Variants in CPVL observed in about 807,000 individuals in gnomAD.
The protein encoded by CPVL is probable serine carboxypeptidase CPVL.
A neutral mutation model predicts 63.7 loss-of-function variants in CPVL; 51 were observed. The observed-to-expected ratio is 0.80, with a 90% CI of 0.64 to 1.01. The LOEUF is 1.01. Ranked by LOEUF, CPVL falls within the 50% of genes least tolerant of loss-of-function variation. The probability of loss-of-function intolerance (pLI) is 0.00; values close to 1 mark genes in which losing one functional copy is unlikely to be tolerated. For missense variants in CPVL, 530 were observed against 573.1 expected (o/e 0.92, Z 0.77); for synonymous variants, 195 against 206.0 (o/e 0.95, Z 0.46).
Position 29,030,686 on chromosome 7 carries a change from T to C in CPVL, c.1211A>G (p.Asp404Gly). ...ALTERSLMGM[D>G]WKGSQEYKKA... ...CTTGTATTCCTGGGATCCTTTCCAG[T>C]CCATGCCCATCAAGGAGCGCTCTGT... The change falls in exon 12 of 13, where the codon GAC (aspartate) becomes GGC (glycine). Residue 404 changes from aspartate to glycine, a missense_variant. Asp to Gly is a moderately conservative substitution (Grantham distance 94). Transcript: ENST00000265394. 6.2e-7 allele frequency: 1 copy of C among 1,613,944 alleles called. No individual in the cohort carries two copies. Among genetic ancestry groups the C allele is most frequent in the East Asian group, 2.2e-5 (1 of 44,872 alleles).
intron 5 of CPVL, among the ~76,000 whole-genome samples, chr7:29,180,962 C>T (rs1797999499): frequency 6.6e-6 from 1 of 152,180 alleles, no homozygotes; most frequent in African/African-American, 2.4e-5. Context: ...CCAGTACTTA[C>T]TATTATTTTG....
rs781716548 is a variant in CPVL, at chr7:29,166,473, G to A, written c.-11+14817C>T. On this transcript the variant is annotated intron_variant, in intron 5 of 16. Coordinates refer to the CPVL transcript ENST00000409850. ...TTTCTGGGTTTTTGTTTGTTTGTTCGTTTGTTTGTTTTATGGGGAGGTTTC... is the reference window on the plus strand; with the variant it reads ...TTTCTGGGTTTTTGTTTGTTTGTTCATTTGTTTGTTTTATGGGGAGGTTTC... Among the ~76,000 whole-genome samples the A allele has an allele frequency of 1.8e-4, 26 of 143,536 alleles. 1 individual carries two copies. Among genetic ancestry groups the A allele is most frequent in the South Asian group, 1.5e-3 (7 of 4,802 alleles). The allele number at this position is 143,536 out of a possible 152,430, so 94.2% of individuals were successfully genotyped here.
intron 11 of CPVL, among the ~76,000 whole-genome samples, chr7:29,035,029 A>G (rs1788390771): frequency 6.6e-6 from 1 of 152,150 alleles, no homozygotes; most frequent in African/African-American, 2.4e-5. Flanking sequence ...CAGTCTTTAA[A>G]AACTCATTCC....
intron 12 of CPVL, chr7:29,009,156 T>C (rs955652111): frequency 1.4e-5 from 2 of 142,842 alleles, no homozygotes; most frequent in African/African-American, 5.3e-5. Flanking sequence ...GCTGTGTGTG[T>C]GTATGCCAGA....
At chr7:29,057,154 GTCTC>G (rs1790825038) in intron 11 of CPVL, among the ~76,000 whole-genome samples, 2 of 151,742 alleles carry the variant, frequency 1.3e-5, no homozygotes, top group Admixed American at 1.3e-4. Context: ...TAGAGACAGG[GTCTC>G]TCTATGTTGT....
chr7:29,087,504 A>G (rs1480659305), intron 6 of CPVL, among the ~76,000 whole-genome samples: 1 of 152,080 alleles, frequency 6.6e-6, no homozygotes, highest in Non-Finnish European at 1.5e-5. Context: ...GAGTGATTTC[A>G]TAATAAGCAA....
At chr7:29,019,955 T>C (rs1226002334) in intron 12 of CPVL, among the ~76,000 whole-genome samples, 3 of 152,228 alleles carry the variant, frequency 2.0e-5, no homozygotes, top group South Asian at 2.1e-4. Context: ...ACTTGTTTTT[T>C]TGGCAGCCAG....
At chr7:29,079,748 G>A (rs1784522748) in intron 7 of CPVL, among the ~76,000 whole-genome samples, 1 of 152,108 alleles carries the variant, frequency 6.6e-6, no homozygotes, top group Admixed American at 6.5e-5. Context: ...TTCTAGAATC[G>A]CTCTCCCACC....
chr7:29,069,111 C>T (rs1783444551), intron 9 of CPVL, among the ~76,000 whole-genome samples: 1 of 151,938 alleles, frequency 6.6e-6, no homozygotes, highest in Non-Finnish European at 1.5e-5. Flanking sequence ...ATAAAGTCAA[C>T]CTTGAAGAAT....
intron 2 of CPVL, among the ~76,000 whole-genome samples, chr7:29,116,015 A>C (rs1415579797): frequency 3.3e-5 from 5 of 152,184 alleles, no homozygotes; most frequent in Non-Finnish European, 7.3e-5. Flanking sequence ...AAAGTGGGGA[A>C]TTTGTGTTAT....
chr7:29,078,383 C>G (rs145095256), intron 7 of CPVL, among the ~76,000 whole-genome samples: 242 of 152,356 alleles, frequency 1.6e-3, no homozygotes, highest in African/African-American at 5.5e-3. Context: ...TTCCCACCTA[C>G]TCTGAGTTCA....
chr7:29,011,498 C>T (rs928619159), intron 12 of CPVL: 1 of 152,172 alleles, frequency 6.6e-6, no homozygotes, highest in East Asian at 1.9e-4. Flanking sequence ...TTTGTTGAGC[C>T]TGGGAGTTCA....
At chr7:29,054,122 C>A (rs1194103793) in intron 11 of CPVL, among the ~76,000 whole-genome samples, 1 of 151,950 alleles carries the variant, frequency 6.6e-6, no homozygotes, top group Non-Finnish European at 1.5e-5. Context: ...ATAGTATACC[C>A]TTTACATAGC....
At chr7:29,120,138 T>C (rs184122458) in intron 2 of CPVL, among the ~76,000 whole-genome samples, 8 of 152,304 alleles carry the variant, frequency 5.3e-5, no homozygotes, top group South Asian at 4.1e-4. Flanking sequence ...ATATTTGACA[T>C]AGGCTGGGTG....
At chr7:29,104,266 GTT>G (rs1219707484) in intron 3 of CPVL, among the ~76,000 whole-genome samples, 2 of 151,958 alleles carry the variant, frequency 1.3e-5, no homozygotes, top group Non-Finnish European at 2.9e-5. Flanking sequence ...AATCTTTTTT[GTT>G]TTTTGTTTTT....
chr7:29,062,356 G>C (rs1412643221), intron 11 of CPVL, among the ~76,000 whole-genome samples: 1 of 152,164 alleles, frequency 6.6e-6, no homozygotes, highest in Non-Finnish European at 1.5e-5. Context: ...CCTCTGAGAA[G>C]TCTTGAAGCA....
Position 29,173,306 on chromosome 7 carries a change from G to C in CPVL, c.-11+7984C>G, listed in dbSNP as rs572689662. On this transcript the variant is annotated intron_variant, in intron 5 of 16. Coordinates refer to the CPVL transcript ENST00000409850. The stretch of plus-strand genomic sequence containing the variant: ...CCCTGAATGCATCTGCCAGGTGCTG[G>C]TAGCCTCGAGTGGGGGCCTAACTTT... 8.5e-5 allele frequency among the ~76,000 whole-genome samples: 13 copies of C among 152,206 alleles called. No individual in the cohort carries two copies. In the South Asian group the frequency reaches 2.7e-3, roughly 32 times the overall value.
intron 10 of CPVL, 47 bp from the exon 11 acceptor site, chr7:29,064,281 AG>A (rs1220212123): frequency 8.1e-7 from 1 of 1,230,610 alleles, no homozygotes; most frequent in South Asian, 1.3e-5. Flanking sequence ...GATTGGTGGC[AG>A]GAACAGTATG....
chr7:29,059,889 A>ATC (rs1208012431), intron 11 of CPVL, among the ~76,000 whole-genome samples: 5 of 151,940 alleles, frequency 3.3e-5, no homozygotes, highest in Non-Finnish European at 2.9e-5. Context: ...CCCTATATTC[A>ATC]TCTCTCTCTC....
Sources: allele counts gnomAD v4.1 joint callset (sites outside exome capture counted in the v4.1 genomes callset), GRCh38; gene constraint gnomAD v4.1.1; transcripts MANE v1.5; gene names NCBI Gene and HGNC (gene_info 2026-07-23, HGNC 2026-07-21).